USP28: variants seen among roughly 807,000 people sequenced by gnomAD.
USP28 encodes ubiquitin carboxyl-terminal hydrolase 28.
A neutral mutation model predicts 145.0 loss-of-function variants in USP28; 113 were observed. That is an observed-to-expected ratio of 0.78 (90% CI 0.67 to 0.91). The LOEUF is 0.91. USP28 is among the 40% of genes least tolerant of loss of function. The pLI is 0.00. For missense variants in USP28, 1,201 were observed against 1,289.6 expected, an observed-to-expected ratio of 0.93 and a Z score of 1.05; for synonymous variants, 447 against 450.9, an observed-to-expected ratio of 0.99 and a Z score of 0.11.
chr11:113,833,317 G>T (rs369510186), intron 7 of USP28, 103 bp downstream of exon 7: 1 of 1,469,906 alleles, frequency 6.8e-7, no homozygotes, highest in Non-Finnish European at 9.2e-7. Flanking sequence ...CCATAGTCCT[G>T]CTTAGTCATG....
At chr11:113,864,095 G>A (rs1044167566) in intron 1 of USP28, among the ~76,000 whole-genome samples, 1 of 151,710 alleles carries the variant, frequency 6.6e-6, no homozygotes. Context: ...CAAAAAATTA[G>A]CCAGGCATGG....
At chr11:113,832,083 T>C in intron 7 of USP28, 90 bp from the exon 8 acceptor site, 1 of 1,055,010 alleles carries the variant, frequency 9.5e-7, no homozygotes, top group South Asian at 1.4e-5. Context: ...ATTAAGATTA[T>C]ACTACTATAA....
intron 1 of USP28, among the ~76,000 whole-genome samples, chr11:113,858,118 A>C (rs1386902968): frequency 6.6e-6 from 1 of 152,118 alleles, no homozygotes; most frequent in Non-Finnish European, 1.5e-5. Context: ...CACCTGTCTC[A>C]GCCTCCCAAA....
intron 1 of USP28, among the ~76,000 whole-genome samples, chr11:113,868,309 T>C (rs1453316211): frequency 6.6e-6 from 1 of 152,254 alleles, no homozygotes; most frequent in Non-Finnish European, 1.5e-5. Context: ...TCCTGTGTTA[T>C]AGTTTTGGTT....
chr11:113,813,827 T>C (rs1941337545), intron 15 of USP28, 58 bp downstream of exon 15: 2 of 1,387,504 alleles, frequency 1.4e-6, no homozygotes, highest in African/African-American at 1.4e-5. Flanking sequence ...TCAAATTTGA[T>C]TTTTGTATCT....
chr11:113,851,784 C>G (rs1197910979), intron 3 of USP28, among the ~76,000 whole-genome samples: 3 of 93,024 alleles, frequency 3.2e-5, no homozygotes, highest in Non-Finnish European at 6.8e-5. Context: ...GACTCCATCT[C>G]AAAAAAAAAA....
chr11:113,854,602 T>A (rs1946846722), intron 1 of USP28, among the ~76,000 whole-genome samples: 1 of 152,086 alleles, frequency 6.6e-6, no homozygotes, highest in Non-Finnish European at 1.5e-5. Flanking sequence ...GGGTTTCACA[T>A]TGTTGGTCAG....
intron 19 of USP28, among the ~76,000 whole-genome samples, chr11:113,806,202 G>A (rs1382195938): frequency 6.6e-6 from 1 of 152,036 alleles, no homozygotes; most frequent in Non-Finnish European, 1.5e-5. Context: ...GCCTCCCAAA[G>A]TGCTAAATTA....
At chr11:113,811,610 C>T (rs1292173681) in intron 16 of USP28, among the ~76,000 whole-genome samples, 1 of 152,094 alleles carries the variant, frequency 6.6e-6, no homozygotes, top group African/African-American at 2.4e-5. Flanking sequence ...ATCACTTCAA[C>T]CTGGCAGGCG....
At position 113,861,693 on chromosome 11, in the gene USP28, G is replaced by A. The variant is rs1002816197; in HGVS notation, c.58-7358C>T. Among the ~76,000 whole-genome samples the A allele has an allele frequency of 2.0e-5, 3 of 152,212 alleles. No homozygotes were observed. The South Asian group carries it at 6.2e-4, about 32-fold the overall frequency. The stretch of plus-strand genomic sequence containing the variant: ...GGGGCTACTACCATTAACAGTTTCT[G>A]TTATCTTTCCCGAAATTGTCTATGC... On this transcript the variant is annotated intron_variant, in intron 1 of 24. Coordinates refer to ENST00000003302, the Ensembl canonical transcript of USP28.
intron 8 of USP28, 46 bp from the exon 9 acceptor site, chr11:113,830,989 T>TA: frequency 2.5e-6 from 4 of 1,596,858 alleles, no homozygotes; most frequent in Non-Finnish European, 3.4e-6. Flanking sequence ...TGGATTAAGA[T>TA]ATGTGCTACA....
chr11:113,821,254 CA>C (rs1050861777), intron 12 of USP28: 4 of 223,180 alleles, frequency 1.8e-5, no homozygotes, highest in African/African-American at 4.6e-5. Context: ...ACAGTGTGGC[CA>C]GGGGGAAGGA....
Position 113,801,463 on chromosome 11 carries a change from T to G in USP28, c.3058+20A>C, listed in dbSNP as rs1938999534. ...CTACAATTCTCAAAACCTCAGAATATTATTACCAAGAGCATATACCTGCAA... is the reference window on the plus strand; with the variant it reads ...CTACAATTCTCAAAACCTCAGAATAGTATTACCAAGAGCATATACCTGCAA... On this transcript the variant is annotated intron_variant, in intron 24 of 24. Transcript: ENST00000003302. The G allele has an allele frequency of 6.6e-7, 1 of 1,516,790 alleles. No individual in the cohort carries two copies. The highest frequency in any genetic ancestry group is 8.9e-7 in the Non-Finnish European group (1 of 1,117,608). 94.0% of individuals were successfully genotyped at this position (1,516,790 alleles called of 1,614,324 possible). A position where few individuals can be genotyped will look rare whatever the true frequency, so the allele number is the denominator to read the frequency against.
At chr11:113,807,817 C>T in intron 18 of USP28, 134 bp downstream of exon 19, 1 of 558,172 alleles carries the variant, frequency 1.8e-6, no homozygotes, top group Non-Finnish European at 2.3e-6. Flanking sequence ...AAGGTCAAAA[C>T]CAAATAGGCT....
intron 19 of USP28, among the ~76,000 whole-genome samples, chr11:113,805,884 T>C (rs530415896): frequency 2.0e-5 from 3 of 152,258 alleles, no homozygotes; most frequent in Admixed American, 2.0e-4. Context: ...AGCTTGTTCA[T>C]CAGTTGGACA....
At chr11:113,873,242 C>T (rs1280578825) in intron 1 of USP28, among the ~76,000 whole-genome samples, 1 of 152,172 alleles carries the variant, frequency 6.6e-6, no homozygotes, top group Non-Finnish European at 1.5e-5. Flanking sequence ...GTTCCTTCAA[C>T]CTATCCTGGT....
intron 1 of USP28, among the ~76,000 whole-genome samples, chr11:113,861,073 C>T (rs1480649170): frequency 6.6e-6 from 1 of 150,932 alleles, no homozygotes; most frequent in East Asian, 1.9e-4. Context: ...GAGCCAAGAT[C>T]GCACCACTGC....
chr11:113,800,044 C>T (rs920217208), intron 24 of USP28, among the ~76,000 whole-genome samples: 1 of 151,388 alleles, frequency 6.6e-6, no homozygotes, highest in African/African-American at 2.4e-5. Flanking sequence ...CTCACTCTGT[C>T]GCCCAGGCTG....
chr11:113,863,580 G>A (rs1429678817), intron 1 of USP28, among the ~76,000 whole-genome samples: 4 of 149,638 alleles, frequency 2.7e-5, no homozygotes, highest in Admixed American at 6.8e-5. Flanking sequence ...AGAAGATGGA[G>A]GTTGCAGTGA....
Sources: gnomAD v4.1 joint callset for allele counts (sites outside exome capture counted in the v4.1 genomes callset) on GRCh38, gnomAD v4.1.1 for gene constraint, MANE v1.5 for transcripts, NCBI Gene and HGNC (gene_info 2026-07-23, HGNC 2026-07-21) for gene names.